The following PPP2R2B variants were observed in gnomAD, a reference collection of about 807,000 sequenced individuals.
PPP2R2B encodes protein phosphatase 2 regulatory subunit Bbeta.
In PPP2R2B, 5 loss-of-function variants were observed where a neutral mutation model predicts 46.0. That is an observed-to-expected ratio of 0.11 (90% CI 0.06 to 0.23). The LOEUF is 0.23. Among genes scored for constraint, PPP2R2B ranks in the 10% least tolerant of loss-of-function variants. The pLI is 1.00. For synonymous variants in PPP2R2B, 215 were observed against 206.7 expected (o/e 1.04, Z -0.34); for missense variants, 367 against 575.0 (o/e 0.64, Z 3.70).
At chr5:146,837,747 G>A (rs1174726237) in intron 2 of PPP2R2B, among the ~76,000 whole-genome samples, 1 of 152,080 alleles carries the variant, frequency 6.6e-6, no homozygotes, top group Admixed American at 6.5e-5. Context: ...TACACTTTCA[G>A]CATATCTCAA....
At chr5:146,635,996 A>G (rs1024904625) in intron 7 of PPP2R2B, among the ~76,000 whole-genome samples, 2 of 152,194 alleles carry the variant, frequency 1.3e-5, no homozygotes, top group Non-Finnish European at 2.9e-5. Context: ...TTAAAAGAAA[A>G]TGTTCATTTT....
At chr5:146,986,608 AT>A (rs1753440626) in intron 1 of PPP2R2B, among the ~76,000 whole-genome samples, 1 of 152,214 alleles carries the variant, frequency 6.6e-6, no homozygotes, top group Non-Finnish European at 1.5e-5. Context: ...GTAAAAAAAT[AT>A]GGATGAATTG....
At chr5:146,986,805 C>T (rs552735760) in intron 1 of PPP2R2B, among the ~76,000 whole-genome samples, 1 of 152,040 alleles carries the variant, frequency 6.6e-6, no homozygotes. Flanking sequence ...AGTCATTGCC[C>T]TTAAAGTCGG....
At chr5:146,708,199 T>C (rs967027223) in intron 2 of PPP2R2B, among the ~76,000 whole-genome samples, 1 of 151,352 alleles carries the variant, frequency 6.6e-6, no homozygotes, top group Non-Finnish European at 1.5e-5. Flanking sequence ...CTACCAAAAA[T>C]AAAAAAAATT....
intron 1 of PPP2R2B, among the ~76,000 whole-genome samples, chr5:146,976,711 G>A (rs1314917355): frequency 6.6e-6 from 1 of 152,080 alleles, no homozygotes; most frequent in Non-Finnish European, 1.5e-5. Context: ...AGTACCATAT[G>A]GATTTATTTA....
Position 146,706,271 on chromosome 5 carries a change from A to G in PPP2R2B, c.71-5129T>C, listed in dbSNP as rs145995523. On this transcript the variant is annotated intron_variant, in intron 2 of 9. Coordinates refer to ENST00000394411, the MANE Select transcript of PPP2R2B (RefSeq NM_181675.4). ...TCGGGTCTTGATCTTCTTCACAACC[A>G]TGGCCCTGGTGGAGCTGGTGCGGCT... 1,712 of 495,482 alleles carry G rather than the reference A, an allele frequency of 3.5e-3. 26 individuals carry two copies. The highest frequency in any genetic ancestry group is 0.031 in the African/African-American group (1,578 of 50,780). 30.7% of individuals were successfully genotyped at this position (495,482 alleles called of 1,614,324 possible). A position where few individuals can be genotyped will look rare whatever the true frequency, so the allele number is the denominator to read the frequency against.
intron 2 of PPP2R2B, among the ~76,000 whole-genome samples, chr5:146,736,557 C>G (rs1323256909): frequency 6.6e-6 from 1 of 152,132 alleles, no homozygotes; most frequent in Non-Finnish European, 1.5e-5. Context: ...CTTTAACATG[C>G]CTCCAAATGA....
intron 5 of PPP2R2B, among the ~76,000 whole-genome samples, chr5:146,671,806 C>A (rs1156328920): frequency 6.6e-6 from 1 of 152,112 alleles, no homozygotes; most frequent in Admixed American, 6.6e-5. Flanking sequence ...CTATTTAAAT[C>A]CCATTTGCTT....
At chr5:146,617,484 C>T (rs1222048159) in intron 7 of PPP2R2B, among the ~76,000 whole-genome samples, 1 of 152,090 alleles carries the variant, frequency 6.6e-6, no homozygotes, top group Non-Finnish European at 1.5e-5. Flanking sequence ...TAAATATATA[C>T]ACCTCTGTAC....
chr5:146,949,980 T>C (rs1582481878), intron 1 of PPP2R2B, among the ~76,000 whole-genome samples: 1 of 151,796 alleles, frequency 6.6e-6, no homozygotes, highest in African/African-American at 2.4e-5. Context: ...GGAAGGGTAG[T>C]GGGGATAGGA....
chr5:146,775,092 A>G (rs998676100), intron 2 of PPP2R2B, among the ~76,000 whole-genome samples: 1 of 152,208 alleles, frequency 6.6e-6, no homozygotes, highest in African/African-American at 2.4e-5. Flanking sequence ...AACTCTTTCA[A>G]AAAAACGAAA....
chr5:146,801,611 G>A (rs1582135311), intron 2 of PPP2R2B, among the ~76,000 whole-genome samples: 1 of 152,116 alleles, frequency 6.6e-6, no homozygotes, highest in South Asian at 2.1e-4. Flanking sequence ...GTGGGGTCAG[G>A]CCGCCTGCCT....
intron 2 of PPP2R2B, among the ~76,000 whole-genome samples, chr5:146,861,149 A>G (rs319235): frequency 0.49 from 72,148 of 147,578 alleles, 18,955 homozygotes; most frequent in East Asian, 0.73. Context: ...TCTGACTCCC[A>G]GGTTCATGTC....
At chr5:146,740,186 T>A (rs1306017685) in intron 2 of PPP2R2B, among the ~76,000 whole-genome samples, 5 of 152,180 alleles carry the variant, frequency 3.3e-5, no homozygotes, top group Non-Finnish European at 2.9e-5. Flanking sequence ...GAAAAATGAA[T>A]AGGTGAAATG....
chr5:146,639,866 C>A (rs1775081596), intron 6 of PPP2R2B, among the ~76,000 whole-genome samples: 1 of 152,160 alleles, frequency 6.6e-6, no homozygotes, highest in Non-Finnish European at 1.5e-5. Flanking sequence ...TAAAAATTGA[C>A]ATGTGATAAC....
At chr5:146,772,364 TATTA>T (rs1384026733) in intron 2 of PPP2R2B, among the ~76,000 whole-genome samples, 1 of 139,876 alleles carries the variant, frequency 7.1e-6, no homozygotes, top group East Asian at 2.1e-4. Flanking sequence ...TAAAATTATA[TATTA>T]GTTAATAACT....
chr5:147,005,296 T>G (rs1754382673), intron 1 of PPP2R2B, among the ~76,000 whole-genome samples: 1 of 152,188 alleles, frequency 6.6e-6, no homozygotes, highest in South Asian at 2.1e-4. Context: ...ATGCCATAGT[T>G]AGTGATGTAA....
chr5:146,674,798 C>G (rs944614713), intron 5 of PPP2R2B, among the ~76,000 whole-genome samples: 9 of 152,124 alleles, frequency 5.9e-5, no homozygotes, highest in Non-Finnish European at 1.2e-4. Flanking sequence ...CCAGTCTCCC[C>G]CAAAGTGTTA....
At chr5:146,963,939 G>A (rs562964693) in intron 1 of PPP2R2B, among the ~76,000 whole-genome samples, 2 of 152,126 alleles carry the variant, frequency 1.3e-5, no homozygotes, top group Non-Finnish European at 2.9e-5. Context: ...TCATTCAGAA[G>A]GTTCTTACAA....
Sources: allele counts gnomAD v4.1 joint callset (sites outside exome capture counted in the v4.1 genomes callset), GRCh38; gene constraint gnomAD v4.1.1; transcripts MANE v1.5; gene names NCBI Gene and HGNC (gene_info 2026-07-23, HGNC 2026-07-21).